DKKL1: variants seen among roughly 807,000 people sequenced by gnomAD.
DKKL1 encodes the protein dickkopf-like protein 1.
Under a neutral mutation model 16.5 loss-of-function variants are expected in DKKL1, and 11 were observed. The ratio of observed to expected loss-of-function variants is 0.67; its 90% CI spans 0.42 to 1.10. The LOEUF (loss-of-function observed/expected upper bound fraction) is 1.10, where lower values mean the gene tolerates loss of function less well. Among genes scored for constraint, DKKL1 ranks in the 50% least tolerant of loss-of-function variants. The probability of loss-of-function intolerance (pLI) is 0.00; values close to 1 mark genes in which losing one functional copy is unlikely to be tolerated. For synonymous variants in DKKL1, 119 were observed against 133.2 expected (o/e 0.89, Z 0.73); for missense variants, 320 against 308.1 (o/e 1.04, Z -0.29).
chr19:49,363,841 G>A, upstream of DKKL1: 1 of 1,058,370 alleles, frequency 9.4e-7, no homozygotes, highest in Non-Finnish European at 1.4e-6. Flanking sequence ...TAGGGGCGTG[G>A]CTACGGCTCG....
intron 4 of DKKL1, 145 bp downstream of exon 4, chr19:49,366,030 C>A: frequency 1.5e-6 from 1 of 689,060 alleles, no homozygotes; most frequent in Non-Finnish European, 2.3e-6. Flanking sequence ...GAAGTTCAGG[C>A]AATTCTCCTG....
At position 49,374,846 on chromosome 19, in the gene DKKL1, G is replaced by A; in HGVS notation, c.547G>A (p.Ala183Thr). The change falls in exon 5 of 5, where the codon GCC becomes ACC. Residue 183 changes from alanine (A) to threonine (T), a missense_variant. Physicochemically the swap from Ala to Thr is moderately conservative, Grantham distance 58 (BLOSUM62 0). Coordinates refer to ENST00000221498, the MANE Select transcript of DKKL1 (RefSeq NM_014419.4). ...GCCACGGCGGAGGTCCCACCAGGAT[G>A]CCCTGGAGGGCGGCCACTGGCTCAG... The part of the protein sequence containing the change: ...KLPRRRSHQD[A>T]LEGGHWLSEK... 6.2e-7 allele frequency: 1 copy of A among 1,613,902 alleles called. No homozygotes were observed. Among genetic ancestry groups the A allele is most frequent in the Non-Finnish European group, 8.5e-7 (1 of 1,179,908 alleles).
intron 4 of DKKL1, chr19:49,370,290 A>G (rs1035828698): frequency 6.6e-6 from 1 of 152,264 alleles, no homozygotes; most frequent in Admixed American, 6.5e-5. Context: ...TGCCAAGGAA[A>G]AAGTTCCCAT....
At chr19:49,372,377 A>G (rs1291510040) in intron 4 of DKKL1, among the ~76,000 whole-genome samples, 1 of 151,168 alleles carries the variant, frequency 6.6e-6, no homozygotes, top group Non-Finnish European at 1.5e-5. Context: ...TGGCTAACGT[A>G]GCGAAACCCC....
At chr19:49,362,098 C>A (rs1366192874), upstream of DKKL1, among the ~76,000 whole-genome samples, 1 of 152,200 alleles carries the variant, frequency 6.6e-6, no homozygotes, top group Admixed American at 6.5e-5. Flanking sequence ...CGCAGACGCA[C>A]GCCCCACACC....
chr19:49,362,918 TGTTTTTTG>T (rs1568588552), upstream of DKKL1, among the ~76,000 whole-genome samples: 12 of 136,268 alleles, frequency 8.8e-5, no homozygotes, highest in African/African-American at 3.1e-4. Flanking sequence ...TTGGTTTTTT[TGTTTTTTG>T]TTTTTTTTGT....
upstream of DKKL1, chr19:49,362,377 C>G (rs1208812506): frequency 6.6e-6 from 1 of 152,190 alleles, no homozygotes; most frequent in East Asian, 1.9e-4. Flanking sequence ...TCCTACCTCC[C>G]GGCCTGGGGC....
chr19:49,365,499 C>A lies in DKKL1; in HGVS notation c.184-10C>A. The A allele has an allele frequency of 6.3e-7, 1 of 1,588,598 alleles. No individual in the cohort carries two copies. Among genetic ancestry groups the A allele is most frequent in the Non-Finnish European group, 8.6e-7 (1 of 1,165,080 alleles). ...GTCCAGCAGCTCACCAGTCCCTCCT[C>A]CGGCCCCAGGGTAACCTGCTTCGGG... On this transcript the variant is annotated splice_polypyrimidine_tract_variant and intron_variant, in intron 2 of 4. Transcript: ENST00000221498.
chr19:49,375,054 T>C lies in DKKL1; in HGVS notation c.*26T>C, dbSNP rs1475628981. 1 of 1,573,260 alleles carries C rather than the reference T, an allele frequency of 6.4e-7. No homozygotes were observed. The highest frequency in any genetic ancestry group is 8.6e-7 in the Non-Finnish European group (1 of 1,160,324). On this transcript the variant is annotated 3_prime_UTR_variant, in exon 5 of 5. Transcript: ENST00000221498. ...GGGTGGGGACCGGGGAGCACCTGCC[T>C]GTAGCCCCCATCAGACCCTGCCCCA...
intron 4 of DKKL1, 97 bp from the exon 5 acceptor site, chr19:49,374,620 C>A: frequency 8.5e-7 from 1 of 1,173,066 alleles, no homozygotes; most frequent in Non-Finnish European, 1.2e-6. Context: ...ACAAAGCATC[C>A]TGTCATCTGC....
At chr19:49,361,002 AG>A (rs1972847347), upstream of DKKL1, among the ~76,000 whole-genome samples, 1 of 42,672 alleles carries the variant, frequency 2.3e-5, no homozygotes. Context: ...GACAGAGACC[AG>A]AGGGAGGGGG....
chr19:49,365,769 C>T (rs1256985854), intron 3 of DKKL1, 24 bp from the exon 4 acceptor site: 4 of 1,611,626 alleles, frequency 2.5e-6, no homozygotes, highest in Admixed American at 3.3e-5. Context: ...GGTTTGCTCT[C>T]ACTCTCTCAT....
rs543987476 is a variant in DKKL1 at position 49,365,278 on chromosome 19, G to T, written c.184-231G>T. Among the ~76,000 whole-genome samples, 13 of 152,258 alleles carry T rather than the reference G, an allele frequency of 8.5e-5. No individual in the cohort carries two copies. The South Asian group carries it at 2.7e-3, about 32-fold the overall frequency. ...GGGGAAAGAGACAGGAGGAGAGGGG[G>T]ATGGGGACAGAAGAGGAACAGGGAT... On this transcript the variant is annotated intron_variant, in intron 2 of 4. Coordinates refer to ENST00000221498, the MANE Select transcript of DKKL1 (RefSeq NM_014419.4).
upstream of DKKL1, among the ~76,000 whole-genome samples, chr19:49,360,961 C>T (rs1369970522): frequency 4.0e-5 from 3 of 74,392 alleles, no homozygotes; most frequent in Non-Finnish European, 7.1e-5. Context: ...AGACCAGTGA[C>T]GGAGGGGACA....
At chr19:49,373,218 G>A (rs1298348290) in intron 4 of DKKL1, among the ~76,000 whole-genome samples, 4 of 150,646 alleles carry the variant, frequency 2.7e-5, no homozygotes, top group African/African-American at 7.3e-5. Context: ...TGGGAGAATC[G>A]CTTGAACCCA....
chr19:49,363,865 A>G (rs192785506), upstream of DKKL1: 1,638 of 1,325,916 alleles, frequency 1.2e-3, 15 homozygotes, highest in African/African-American at 0.022. Flanking sequence ...AGCGCAACCA[A>G]CGCTCTAGAC....
chr19:49,363,709 C>G, upstream of DKKL1: 1 of 496,816 alleles, frequency 2.0e-6, no homozygotes, highest in Non-Finnish European at 3.7e-6. Flanking sequence ...GAACTCACGG[C>G]TCTGGCTTAA....
rs1277341585 is a variant in DKKL1 at position 49,375,105 on chromosome 19, T to C, written c.*77T>C. 1 of 1,448,470 alleles carries C rather than the reference T, an allele frequency of 6.9e-7. No individual in the cohort carries two copies. Among genetic ancestry groups the C allele is most frequent in the African/African-American group, 1.4e-5 (1 of 70,194 alleles). 89.7% of individuals were successfully genotyped at this position (1,448,470 alleles called of 1,614,324 possible). A position where few individuals can be genotyped will look rare whatever the true frequency, so the allele number is the denominator to read the frequency against. On this transcript the variant is annotated 3_prime_UTR_variant, in exon 5 of 5. Coordinates refer to ENST00000221498, the MANE Select transcript of DKKL1 (RefSeq NM_014419.4). ...AGCACCATATGGAAATAAAGTTCTTTCTTACATCTAACAACACCATCTCCT... is the reference window on the plus strand; with the variant it reads ...AGCACCATATGGAAATAAAGTTCTTCCTTACATCTAACAACACCATCTCCT...
chr19:49,365,890 GGACGT>G lies in DKKL1; in HGVS notation c.417+7_417+11del, dbSNP rs368690042. On this transcript the variant is annotated splice_donor_region_variant and intron_variant, in intron 4 of 4. Transcript: ENST00000221498. ...AGCTTCGAGGGTGATTTGAAGGTTA[GGACGT>G]GCCCCGCCGTCAAAGTGTCCAGGCC... 28 of 1,612,850 alleles carry G rather than the reference GGACGT, an allele frequency of 1.7e-5. No homozygotes were observed. The highest frequency in any genetic ancestry group is 2.4e-5 in the Non-Finnish European group (28 of 1,179,526).
Sources: allele counts gnomAD v4.1 joint callset (sites outside exome capture counted in the v4.1 genomes callset), GRCh38; gene constraint gnomAD v4.1.1; transcripts MANE v1.5; gene names NCBI Gene and HGNC (gene_info 2026-07-23, HGNC 2026-07-21).